PLCE1: variants seen among roughly 807,000 people sequenced by gnomAD.
PLCE1 encodes the protein phospholipase C epsilon 1.
In PLCE1, 119 loss-of-function variants were observed where a neutral mutation model predicts 242.8. That is an observed-to-expected ratio of 0.49 (90% confidence interval 0.42 to 0.57). The LOEUF is 0.57. Ranked by LOEUF, PLCE1 falls within the 20% of genes least tolerant of loss-of-function variation. The pLI, the probability that PLCE1 is intolerant of heterozygous loss-of-function variation, is 0.00. For missense variants in PLCE1, 2,441 were observed against 2,788.8 expected, an observed-to-expected ratio of 0.88 and a Z score of 2.81; for synonymous variants, 945 against 1,017.4, an observed-to-expected ratio of 0.93 and a Z score of 1.35.
intron 4 of PLCE1, among the ~76,000 whole-genome samples, chr10:94,172,168 G>A (rs2048004284): frequency 6.6e-6 from 1 of 152,154 alleles, no homozygotes; most frequent in South Asian, 2.1e-4. Flanking sequence ...GAGATCAAGA[G>A]CCACTGGCTG....
chr10:94,262,987 T>C (rs2051363760), intron 14 of PLCE1, among the ~76,000 whole-genome samples: 1 of 151,506 alleles, frequency 6.6e-6, no homozygotes, highest in African/African-American at 2.4e-5. Flanking sequence ...TTCTCCTGCC[T>C]CAGCCTCCTG....
chr10:94,042,781 A>G (rs2061793774), intron 2 of PLCE1, among the ~76,000 whole-genome samples: 1 of 152,190 alleles, frequency 6.6e-6, no homozygotes, highest in Non-Finnish European at 1.5e-5. Flanking sequence ...CAGAATTGCT[A>G]TAATTTAGAA....
intron 14 of PLCE1, among the ~76,000 whole-genome samples, chr10:94,263,784 A>G (rs1281451789): frequency 1.3e-5 from 2 of 152,056 alleles, no homozygotes; most frequent in Non-Finnish European, 2.9e-5. Flanking sequence ...TTAACATATT[A>G]TATGTTCTTC....
intron 4 of PLCE1, among the ~76,000 whole-genome samples, chr10:94,199,748 A>C (rs976039309): frequency 2.0e-5 from 3 of 152,318 alleles, no homozygotes; most frequent in Non-Finnish European, 4.4e-5. Context: ...TTTTGTCAAG[A>C]AAAATGACCC....
rs780289280 is a variant in PLCE1, at chr10:94,263,513, C to CA, written c.4053+798dup. Among the ~76,000 whole-genome samples, 337 of 76,692 alleles carry CA rather than the reference C, an allele frequency of 4.4e-3. 3 individuals carry two copies. Among genetic ancestry groups the CA allele is most frequent in the Middle Eastern group, 0.014 (2 of 142 alleles). The allele number at this position is 76,692 out of a possible 152,430, so 50.3% of individuals were successfully genotyped here. A position where few individuals can be genotyped will look rare whatever the true frequency, so the allele number is the denominator to read the frequency against. On this transcript the variant is annotated intron_variant, in intron 14 of 32. Transcript: ENST00000371380. Reference sequence around the variant, plus strand: ...TCGGCAACAGAGCAAGACCCCATCTCAAAAAAAAAAAAAAAAAGAAAAAGA... The same window carrying CA: ...TCGGCAACAGAGCAAGACCCCATCTCAAAAAAAAAAAAAAAAAAGAAAAAGA...
chr10:94,160,238 G>T (rs1233733873), intron 3 of PLCE1, among the ~76,000 whole-genome samples: 1 of 152,146 alleles, frequency 6.6e-6, no homozygotes, highest in Non-Finnish European at 1.5e-5. Context: ...CCCACCAACA[G>T]TGTAAAAGTG....
In PLCE1 at chr10:94,092,523, G is replaced by T. The variant is rs368113395; in HGVS notation, c.1207-39651G>T. ...CTTTGAAAAAATAGGAAGTTCAGTT[G>T]GAAAACCAGAGAAACCCACCTAGAA... On this transcript the variant is annotated intron_variant, in intron 2 of 32. Transcript: ENST00000371380. Among the ~76,000 whole-genome samples, 8 of 151,990 alleles carry T rather than the reference G, an allele frequency of 5.3e-5. No individual in the cohort carries two copies. In the East Asian group the frequency reaches 1.2e-3, roughly 22 times the overall value.
intron 2 of PLCE1, among the ~76,000 whole-genome samples, chr10:94,090,635 A>G (rs937966884): frequency 3.3e-5 from 5 of 152,160 alleles, no homozygotes; most frequent in Admixed American, 2.6e-4. Context: ...ATTGGAAATC[A>G]AATGTTTTCA....
chr10:94,011,408 T>C (rs554820553), intron 1 of PLCE1, among the ~76,000 whole-genome samples: 43 of 152,218 alleles, frequency 2.8e-4, no homozygotes, highest in African/African-American at 9.4e-4. Context: ...CCTCCAACAT[T>C]GGAGGTCACA....
intron 22 of PLCE1, among the ~76,000 whole-genome samples, chr10:94,289,825 G>A (rs906767787): frequency 2.0e-5 from 3 of 151,960 alleles, no homozygotes; most frequent in African/African-American, 4.8e-5. Context: ...CATGACTATC[G>A]ACTTTATAAA....
At chr10:94,233,473 A>G (rs1380751833) in intron 5 of PLCE1, among the ~76,000 whole-genome samples, 1 of 152,196 alleles carries the variant, frequency 6.6e-6, no homozygotes, top group Non-Finnish European at 1.5e-5. Context: ...CCTTTTGGCC[A>G]TAGCTGCCAG....
intron 4 of PLCE1, among the ~76,000 whole-genome samples, chr10:94,212,357 C>T (rs1396541904): frequency 2.0e-5 from 3 of 152,082 alleles, no homozygotes; most frequent in South Asian, 2.1e-4. Flanking sequence ...CCCGGGTTCA[C>T]GCCATTCTCC....
At chr10:94,238,968 C>T (rs556104565) in intron 7 of PLCE1, among the ~76,000 whole-genome samples, 1 of 152,280 alleles carries the variant, frequency 6.6e-6, no homozygotes, top group East Asian at 1.9e-4. Context: ...AATTTTGACA[C>T]CACCTCTTAC....
At chr10:94,218,922 A>C (rs1413683934) in intron 4 of PLCE1, among the ~76,000 whole-genome samples, 1 of 147,318 alleles carries the variant, frequency 6.8e-6, no homozygotes, top group African/African-American at 2.5e-5. Context: ...TGACTATAAA[A>C]ATTTTAATTA....
intron 2 of PLCE1, among the ~76,000 whole-genome samples, chr10:94,077,322 G>C (rs759760320): frequency 6.6e-6 from 1 of 152,200 alleles, no homozygotes; most frequent in South Asian, 2.1e-4. Context: ...CAAGGCACAG[G>C]ACAGCACCTC....
chr10:94,318,958 G>GAATC (rs2053674766), intron 29 of PLCE1, among the ~76,000 whole-genome samples: 1 of 152,198 alleles, frequency 6.6e-6, no homozygotes, highest in Non-Finnish European at 1.5e-5. Context: ...TGAGGCAGGA[G>GAATC]AATCACTTGA....
chr10:94,067,144 T>A (rs2044219318), intron 2 of PLCE1, among the ~76,000 whole-genome samples: 4 of 152,200 alleles, frequency 2.6e-5, no homozygotes. Context: ...CAGACCCTGT[T>A]ACCTCAGATA....
At chr10:94,115,899 C>T (rs184137711) in intron 2 of PLCE1, among the ~76,000 whole-genome samples, 1 of 152,220 alleles carries the variant, frequency 6.6e-6, no homozygotes, top group Non-Finnish European at 1.5e-5. Flanking sequence ...TTAACTTTCC[C>T]TCTTACCTGC....
At chr10:94,065,074 GCCT>G (rs987116795) in intron 2 of PLCE1, among the ~76,000 whole-genome samples, 5 of 152,106 alleles carry the variant, frequency 3.3e-5, no homozygotes, top group Non-Finnish European at 7.4e-5. Context: ...GCTTGTGTCT[GCCT>G]CCTCCTATTT....
Sources: gnomAD v4.1 joint callset for allele counts (sites outside exome capture counted in the v4.1 genomes callset) on GRCh38, gnomAD v4.1.1 for gene constraint, MANE v1.5 for transcripts, NCBI Gene and HGNC (gene_info 2026-07-23, HGNC 2026-07-21) for gene names.